PICALM: variants seen among roughly 807,000 people sequenced by gnomAD.
PICALM encodes the protein phosphatidylinositol binding clathrin assembly protein.
PICALM carries 40 observed loss-of-function variants against 80.5 expected under a neutral mutation model. That is an observed-to-expected ratio of 0.50 (90% CI 0.39 to 0.65). The LOEUF (loss-of-function observed/expected upper bound fraction) is 0.65. Among genes scored for constraint, PICALM ranks in the 30% least tolerant of loss-of-function variants. The probability of loss-of-function intolerance (pLI) is 0.00; values close to 1 mark genes in which losing one functional copy is unlikely to be tolerated. For synonymous variants in PICALM, 288 were observed against 260.3 expected (o/e 1.11, Z -1.02); for missense variants, 676 against 778.9 (o/e 0.87, Z 1.57).
At chr11:86,023,376 A>G (rs2095598531) in intron 3 of PICALM, 2 of 864,272 alleles carry the variant, frequency 2.3e-6, no homozygotes, top group African/African-American at 1.8e-5. Context: ...ATCAGTGAAC[A>G]AAATAGAAAA....
chr11:85,990,380 TACAGTA>T lies in PICALM; in HGVS notation c.1272_1277del (p.Thr425_Val426del), dbSNP rs2094727249. The T allele has an allele frequency of 6.2e-7, 1 of 1,606,476 alleles. No homozygotes were observed. The highest frequency in any genetic ancestry group is 1.1e-5 in the South Asian group (1 of 90,564). ...TTGGAATGGCATCATCAACAGCATC[TACAGTA>T]GCAGAGAAAGGATCTGTGCAGTCCA... On this transcript the variant is annotated inframe_deletion, in exon 13 of 20. Transcript: ENST00000393346.
In PICALM at chr11:86,014,881, G is replaced by T; in HGVS notation, c.535C>A (p.Leu179Ile). 3.9e-6 allele frequency: 6 copies of T among 1,530,808 alleles called. No individual in the cohort carries two copies. The highest frequency in any genetic ancestry group is 5.4e-6 in the Non-Finnish European group (6 of 1,114,098). 94.8% of individuals were successfully genotyped at this position (1,530,808 alleles called of 1,614,324 possible). Residue 179 changes from leucine (L) to isoleucine (I), a missense_variant, in exon 5 of 20, where the codon CTT becomes ATT. Transcript: ENST00000393346. Reference protein sequence around the residue: ...PIIQNQMDALLDFNVNSNELT... With the variant: ...PIIQNQMDALIDFNVNSNELT... ...AAAGCATAACTCACATTAAAATCAA[G>T]AAGTGCATCCATCTGATTCTGAATA... is the stretch of plus-strand genomic sequence containing the variant.
intron 6 of PICALM, 148 bp downstream of exon 6, chr11:86,012,133 G>A (rs1356372793): frequency 7.0e-6 from 3 of 427,254 alleles, no homozygotes; most frequent in Non-Finnish European, 1.2e-5. Context: ...AAGTAATTAG[G>A]TATAAAACTC....
intron 19 of PICALM, chr11:85,960,645 G>T: frequency 3.3e-6 from 3 of 917,922 alleles, no homozygotes; most frequent in Non-Finnish European, 4.7e-6. Flanking sequence ...AAGTATTTAA[G>T]TCCCCATCTC....
chr11:85,988,527 T>C (rs190638393), intron 13 of PICALM, among the ~76,000 whole-genome samples: 39 of 152,100 alleles, frequency 2.6e-4, no homozygotes, highest in African/African-American at 9.4e-4. Context: ...AAGGAAGTAT[T>C]AGGACAAACT....
intron 1 of PICALM, among the ~76,000 whole-genome samples, chr11:86,035,626 T>C (rs2095827043): frequency 6.6e-6 from 1 of 152,116 alleles, no homozygotes; most frequent in African/African-American, 2.4e-5. Flanking sequence ...CAACCTAAAA[T>C]TGATTTATTC....
In PICALM at chr11:85,959,072, A is replaced by C; in HGVS notation, c.1945-12T>G. 6.4e-7 allele frequency: 1 copy of C among 1,568,912 alleles called. No individual in the cohort carries two copies. Reference sequence around the variant, plus strand: ...TACATAAACTGTATCTGGAAAAAAAAAGTGGGTATGTTAATTCATTGTATT... The same window carrying C: ...TACATAAACTGTATCTGGAAAAAAACAGTGGGTATGTTAATTCATTGTATT... On this transcript the variant is annotated splice_polypyrimidine_tract_variant and intron_variant, in intron 19 of 19. Transcript: ENST00000393346.
At chr11:85,992,287 T>G (rs7106389) in intron 12 of PICALM, among the ~76,000 whole-genome samples, 7,391 of 150,172 alleles carry the variant, frequency 0.049, 307 homozygotes, top group African/African-American at 0.11. Context: ...GTGTTTTGTT[T>G]TTTTTTTTTT....
intron 18 of PICALM, among the ~76,000 whole-genome samples, chr11:85,976,013 C>CA (rs1433619374): frequency 1.3e-5 from 2 of 152,276 alleles, no homozygotes; most frequent in East Asian, 3.9e-4. Flanking sequence ...GGCACAGTAG[C>CA]AATACCAAGG....
intron 17 of PICALM, 150 bp from the exon 18 acceptor site, chr11:85,976,832 ATGGTCAGTG>A: frequency 3.7e-6 from 2 of 538,428 alleles, no homozygotes; most frequent in Admixed American, 3.2e-5. Flanking sequence ...CTGTCGATTA[ATGGTCAGTG>A]AAAAAAAGTG....
intron 19 of PICALM, among the ~76,000 whole-genome samples, chr11:85,970,932 C>T (rs895695493): frequency 6.6e-6 from 1 of 152,164 alleles, no homozygotes. Context: ...ACATGAGTGA[C>T]TATTGCAAAA....
In PICALM at chr11:85,957,912, T is replaced by A. The variant is rs551179450; in HGVS notation, c.*1134A>T. The A allele has an allele frequency of 7.6e-5, 17 of 223,944 alleles. No homozygotes were observed. Among genetic ancestry groups the A allele is most frequent in the Non-Finnish European group, 7.1e-5 (8 of 112,050 alleles). 13.9% of individuals were successfully genotyped at this position (223,944 alleles called of 1,614,324 possible). On this transcript the variant is annotated 3_prime_UTR_variant, in exon 20 of 20. Transcript: ENST00000393346. ...CAACAGTGCAGTTTAATTCTTCGTT[T>A]ACTAAACTCTTGGCTAGACATTAAC...
chr11:85,982,173 A>C (rs946079413), intron 14 of PICALM, 170 bp from the exon 15 acceptor site: 4 of 579,002 alleles, frequency 6.9e-6, no homozygotes, highest in South Asian at 6.2e-5. Flanking sequence ...ACCACTTCAT[A>C]CTGAATTGAC....
intron 13 of PICALM, among the ~76,000 whole-genome samples, chr11:85,985,203 G>C (rs1258554937): frequency 6.6e-6 from 1 of 152,100 alleles, no homozygotes; most frequent in Non-Finnish European, 1.5e-5. Flanking sequence ...GTAACACCAG[G>C]ACATAAAGTA....
At position 85,957,207 on chromosome 11, in the gene PICALM, T is replaced by C. The variant is rs1171107174; in HGVS notation, c.*1839A>G. 6.6e-6 allele frequency among the ~76,000 whole-genome samples: 1 copy of C among 152,140 alleles called. No homozygotes were observed. The highest frequency in any genetic ancestry group is 2.4e-5 in the African/African-American group (1 of 41,430). On this transcript the variant is annotated 3_prime_UTR_variant, in exon 20 of 20. Transcript: ENST00000393346. The stretch of plus-strand genomic sequence containing the variant: ...GAAAATGGTTTAATAATACTGAAAC[T>C]TAAAAGCTGATAAAATTTATTGGCT...
chr11:85,960,575 A>G (rs1290604985), intron 19 of PICALM: 6 of 480,050 alleles, frequency 1.2e-5, no homozygotes, highest in Non-Finnish European at 2.3e-5. Flanking sequence ...GGGAGCCTAG[A>G]GTCCTTTAAA....
chr11:85,970,912 G>A (rs905208240), intron 19 of PICALM, among the ~76,000 whole-genome samples: 1 of 152,188 alleles, frequency 6.6e-6, no homozygotes, highest in African/African-American at 2.4e-5. Context: ...TTAAATCGGG[G>A]AGGCAGAGAA....
chr11:86,061,712 G>A (rs1338690176), intron 1 of PICALM, among the ~76,000 whole-genome samples: 1 of 152,130 alleles, frequency 6.6e-6, no homozygotes, highest in East Asian at 1.9e-4. Context: ...AAAACTAAAG[G>A]TATTCTTACC....
At chr11:86,033,058 C>A (rs2095786399) in intron 1 of PICALM, among the ~76,000 whole-genome samples, 1 of 152,096 alleles carries the variant, frequency 6.6e-6, no homozygotes, top group Non-Finnish European at 1.5e-5. Context: ...CTATTTGCAA[C>A]AAAAATGAAA....
Sources: allele counts gnomAD v4.1 joint callset (sites outside exome capture counted in the v4.1 genomes callset), GRCh38; gene constraint gnomAD v4.1.1; transcripts MANE v1.5; gene names NCBI Gene and HGNC (gene_info 2026-07-23, HGNC 2026-07-21).